Variants in SLC6A7 observed in about 807,000 individuals in gnomAD.
SLC6A7 encodes the protein solute carrier family 6 member 7, also known as sodium-dependent proline transporter.
Under a neutral mutation model 73.1 loss-of-function variants are expected in SLC6A7, and 58 were observed. That is an observed-to-expected ratio of 0.79 (90% confidence interval 0.64 to 0.99). SLC6A7 has a LOEUF of 0.99. SLC6A7 is among the 50% of genes least tolerant of loss of function. The probability of loss-of-function intolerance (pLI) is 0.00; values close to 1 mark genes in which losing one functional copy is unlikely to be tolerated. For missense variants in SLC6A7, 783 were observed against 831.4 expected, an observed-to-expected ratio of 0.94 and a Z score of 0.72; for synonymous variants, 338 against 338.7, an observed-to-expected ratio of 1.00 and a Z score of 0.02.
chr5:150,198,099 G>GAA (rs1220433021), intron 4 of SLC6A7, among the ~76,000 whole-genome samples: 1 of 109,388 alleles, frequency 9.1e-6, no homozygotes, highest in Admixed American at 8.3e-5. Context: ...AAGAAAGAAA[G>GAA]AAAGAAAGAA....
At position 150,197,244 on chromosome 5, in the gene SLC6A7, C is replaced by T; in HGVS notation, c.552C>T (p.Thr184=). 1 of 1,612,360 alleles carries T rather than the reference C, an allele frequency of 6.2e-7. No individual in the cohort carries two copies. The highest frequency in any genetic ancestry group is 8.5e-7 in the Non-Finnish European group (1 of 1,179,148). ...ACGGGGCCCTGCCCCTCAACCTCAC[C>T]TGCACCGTCAGCCCCAGCGAGGAGT... ...DGNGALPLNL[T]CTVSPSEEYW... Residue 184 remains threonine, a synonymous_variant, in exon 4 of 14, where the codon ACC becomes ACT. Transcript: ENST00000230671.
At chr5:150,204,792 G>T (rs370229751) in intron 11 of SLC6A7, 35 bp from the exon 12 acceptor site, 1 of 1,486,792 alleles carries the variant, frequency 6.7e-7, no homozygotes, top group African/African-American at 1.4e-5. Context: ...TGGGGCCGGC[G>T]GGTGGGGCCA....
chr5:150,203,198 C>T (rs998308051), intron 8 of SLC6A7, among the ~76,000 whole-genome samples: 14 of 152,008 alleles, frequency 9.2e-5, no homozygotes, highest in South Asian at 8.3e-4. Context: ...GGTGAGCAAA[C>T]GAGTGTGCAT....
intron 13 of SLC6A7, among the ~76,000 whole-genome samples, chr5:150,208,903 T>C (rs572440488): frequency 2.6e-5 from 4 of 152,302 alleles, no homozygotes; most frequent in African/African-American, 9.6e-5. Flanking sequence ...GAAAGCCAGC[T>C]GCAAGCCCAC....
rs1243322605 is a variant in SLC6A7, at chr5:150,190,326, A to C, written c.-2A>C. On this transcript the variant is annotated 5_prime_UTR_variant, in exon 1 of 14. Coordinates refer to ENST00000230671, the MANE Select transcript of SLC6A7 (RefSeq NM_014228.5). The stretch of plus-strand genomic sequence containing the variant: ...CTGAGCCCCGGCCACCCGCTCTCCA[A>C]GATGAAGAAGCTCCAGGGAGCTCAC... 3.3e-6 allele frequency: 5 copies of C among 1,512,100 alleles called. No individual in the cohort carries two copies. Among genetic ancestry groups the C allele is most frequent in the East Asian group, 2.8e-5 (1 of 35,276 alleles). 93.7% of individuals were successfully genotyped at this position (1,512,100 alleles called of 1,614,324 possible). A position where few individuals can be genotyped will look rare whatever the true frequency, so the allele number is the denominator to read the frequency against.
At chr5:150,204,510 C>A in intron 10 of SLC6A7, 22 bp from the exon 11 acceptor site, 11 of 1,579,732 alleles carry the variant, frequency 7.0e-6, no homozygotes, top group Non-Finnish European at 9.6e-6. Context: ...AAGGGGACAC[C>A]AGAACTGTGC....
chr5:150,208,410 G>A (rs529332823), intron 13 of SLC6A7, among the ~76,000 whole-genome samples: 2 of 152,170 alleles, frequency 1.3e-5, no homozygotes, highest in Admixed American at 6.5e-5. Flanking sequence ...CCAGTGCTGC[G>A]GCTGGAGCAG....
Position 150,194,432 on chromosome 5 carries a change from TAA to T in SLC6A7, c.34-280_34-279del, listed in dbSNP as rs57988226. On this transcript the variant is annotated intron_variant, in intron 1 of 13. Coordinates refer to ENST00000230671, the MANE Select transcript of SLC6A7 (RefSeq NM_014228.5). ...CAACAGAGGGAGACTCTTTCTCAAT[TAA>T]AAAAAAAAAAAAAAAGGACTATCCC... Among the ~76,000 whole-genome samples, 136 of 124,160 alleles carry T rather than the reference TAA, an allele frequency of 1.1e-3. 1 individual carries two copies. Among genetic ancestry groups the T allele is most frequent in the African/African-American group, 2.1e-3 (72 of 33,988 alleles). 81.5% of individuals were successfully genotyped at this position (124,160 alleles called of 152,430 possible). A position where few individuals can be genotyped will look rare whatever the true frequency, so the allele number is the denominator to read the frequency against.
In SLC6A7 at chr5:150,196,818, C is replaced by T. The variant is rs771538485; in HGVS notation, c.320C>T (p.Ala107Val). Residue 107 changes from alanine (A) to valine (V), a missense_variant, in exon 3 of 14, where the codon GCT becomes GTT. Transcript: ENST00000230671. The part of the protein sequence containing the change: ...LGQFSSLGPL[A>V]VWKISPLFKG... Reference sequence around the variant, plus strand: ...CAGTTCTCCAGCCTAGGGCCCCTGGCTGTCTGGAAAATCAGCCCTCTCTTC... The same window carrying T: ...CAGTTCTCCAGCCTAGGGCCCCTGGTTGTCTGGAAAATCAGCCCTCTCTTC... 2 of 1,613,994 alleles carry T rather than the reference C, an allele frequency of 1.2e-6. No homozygotes were observed. The highest frequency in any genetic ancestry group is 1.7e-6 in the Non-Finnish European group (2 of 1,179,976).
chr5:150,200,391 G>T (rs1187878777), intron 5 of SLC6A7, among the ~76,000 whole-genome samples: 1 of 152,176 alleles, frequency 6.6e-6, no homozygotes. Flanking sequence ...TACTCGGGAG[G>T]CTGAGACGGG....
rs562748875 is a variant in SLC6A7, at chr5:150,209,022, C to T, written c.1702-384C>T. On this transcript the variant is annotated intron_variant, in intron 13 of 13. Coordinates refer to ENST00000230671, the MANE Select transcript of SLC6A7 (RefSeq NM_014228.5). ...CATTCAGACACTCTGAGGAGGGGCC[C>T]GCCGCGTAATTATAGCAACAGCCGC... 2.0e-5 allele frequency among the ~76,000 whole-genome samples: 3 copies of T among 152,314 alleles called. No homozygotes were observed. The East Asian group carries it at 5.8e-4, about 29-fold the overall frequency.
intron 13 of SLC6A7, among the ~76,000 whole-genome samples, chr5:150,208,472 A>G (rs554775308): frequency 3.9e-5 from 6 of 152,320 alleles, no homozygotes; most frequent in African/African-American, 1.4e-4. Flanking sequence ...GGCAGGGGCC[A>G]GGAGCTGGAG....
chr5:150,199,255 C>A lies in SLC6A7; in HGVS notation c.612C>A (p.Ser204Arg), dbSNP rs1374172352. ...GCTACGTCCTCCACATCCAAGGCAG[C>A]CAGGGCATCGGCAGCCCTGGGGAGA... is the stretch of plus-strand genomic sequence containing the variant. Reference protein sequence around the residue: ...WSRYVLHIQGSQGIGSPGEIR... With the variant: ...WSRYVLHIQGRQGIGSPGEIR... Residue 204 changes from serine (S) to arginine (R), a missense_variant, in exon 5 of 14, where the codon AGC (serine) becomes AGA (arginine). Coordinates refer to ENST00000230671, the MANE Select transcript of SLC6A7 (RefSeq NM_014228.5). 1 of 1,609,558 alleles carries A rather than the reference C, an allele frequency of 6.2e-7. No homozygotes were observed. Among genetic ancestry groups the A allele is most frequent in the African/African-American group, 1.3e-5 (1 of 74,916 alleles).
chr5:150,190,187 A>T lies in SLC6A7; in HGVS notation c.-141A>T. 1.6e-6 allele frequency: 1 copy of T among 614,168 alleles called. No homozygotes were observed. The highest frequency in any genetic ancestry group is 2.6e-6 in the Non-Finnish European group (1 of 381,748). 38.0% of individuals were successfully genotyped at this position (614,168 alleles called of 1,614,324 possible). The stretch of plus-strand genomic sequence containing the variant: ...CGCGCTCCACGCCCGCAGCCGCCAG[A>T]CGGCAGCGCCTGCGTCCGTGCCCGC... On this transcript the variant is annotated 5_prime_UTR_variant, in exon 1 of 14. Transcript: ENST00000230671.
chr5:150,202,473 G>A, intron 7 of SLC6A7, 23 bp downstream of exon 7: 1 of 1,611,948 alleles, frequency 6.2e-7, no homozygotes, highest in Non-Finnish European at 8.5e-7. Flanking sequence ...CAGCCTCCCA[G>A]ACCCTGGGGT....
At chr5:150,201,348 A>ATTT (rs1753373930) in intron 6 of SLC6A7, 125 bp downstream of exon 6, 8 of 503,750 alleles carry the variant, frequency 1.6e-5, no homozygotes, top group Non-Finnish European at 2.6e-5. Context: ...TTTTTTATTT[A>ATTT]TTATTATTGT....
chr5:150,196,727 G>C lies in SLC6A7; in HGVS notation c.229G>C (p.Val77Leu), dbSNP rs747570170. ...CCCGCTCCCGGCAGGCGCCTTCCTC[G>C]TGCCCTACTTCCTCATGCTGGCCAT... is the stretch of plus-strand genomic sequence containing the variant. Reference protein sequence around the residue: ...AYTNGGGAFLVPYFLMLAICG... With the variant: ...AYTNGGGAFLLPYFLMLAICG... The change falls in exon 3 of 14, where the codon GTG (valine) becomes CTG (leucine). Residue 77 changes from valine (V) to leucine (L), a missense_variant. Transcript: ENST00000230671. 6.2e-6 allele frequency: 10 copies of C among 1,613,564 alleles called. No individual in the cohort carries two copies. In the South Asian group the frequency reaches 6.6e-5, roughly 11 times the overall value.
At chr5:150,205,359 T>C (rs1273898734) in intron 12 of SLC6A7, 97 bp from the exon 13 acceptor site, 1 of 989,060 alleles carries the variant, frequency 1.0e-6, no homozygotes, top group Non-Finnish European at 1.5e-6. Flanking sequence ...TGGGCTGGAC[T>C]GTCTCAGGCC....
At chr5:150,209,280 C>A in intron 13 of SLC6A7, 126 bp from the exon 14 acceptor site, 1 of 779,468 alleles carries the variant, frequency 1.3e-6, no homozygotes, top group Non-Finnish European at 2.2e-6. Flanking sequence ...CACTTCCCCG[C>A]CAGGGGGCTG....
Sources: allele counts gnomAD v4.1 joint callset (sites outside exome capture counted in the v4.1 genomes callset), GRCh38; gene constraint gnomAD v4.1.1; transcripts MANE v1.5; gene names NCBI Gene and HGNC (gene_info 2026-07-23, HGNC 2026-07-21).